The following EPG5 variants were observed in gnomAD, a reference collection of about 807,000 sequenced individuals.
EPG5 encodes the protein ectopic P granules protein 5 homolog.
EPG5 carries 159 observed loss-of-function variants against 302.7 expected under a neutral mutation model. That is an observed-to-expected ratio of 0.53 (90% confidence interval 0.46 to 0.60). EPG5 has a LOEUF of 0.60. Among genes scored for constraint, EPG5 ranks in the 20% least tolerant of loss-of-function variants. The pLI is 0.00. For synonymous variants in EPG5, 1,158 were observed against 1,136.8 expected (o/e 1.02, Z -0.37); for missense variants, 2,896 against 3,092.4 (o/e 0.94, Z 1.51).
the EPG5 span, among the ~76,000 whole-genome samples, chr18:45,809,700 AC>A: frequency 4.7e-4 from 71 of 152,312 alleles, no homozygotes; most frequent in African/African-American, 1.6e-3. Context: ...ACCTATCAAA[AC>A]CTCTGGGATA....
At chr18:45,854,397 G>T (rs1043933654) in intron 43 of EPG5, among the ~76,000 whole-genome samples, 1 of 152,228 alleles carries the variant, frequency 6.6e-6, no homozygotes, top group South Asian at 2.1e-4. Context: ...AGGTGTTCAA[G>T]CTCTGAGCAC....
At chr18:45,872,400 T>C (rs562114294) in intron 35 of EPG5, among the ~76,000 whole-genome samples, 1 of 152,236 alleles carries the variant, frequency 6.6e-6, no homozygotes, top group South Asian at 2.1e-4. Context: ...TCAACACAAA[T>C]CTTTTAAAAA....
Position 45,860,244 on chromosome 18 carries a change from C to T in EPG5, c.6869G>A (p.Gly2290Asp). The T allele has an allele frequency of 1.2e-6, 2 of 1,614,244 alleles. No homozygotes were observed. The highest frequency in any genetic ancestry group is 1.7e-6 in the Non-Finnish European group (2 of 1,180,038). ...ATIPTAEFLRGSIRTWIGQKM... is the reference protein window; with the variant it reads ...ATIPTAEFLRDSIRTWIGQKM... The stretch of plus-strand genomic sequence containing the variant: ...TTGGCCAATCCAGGTCCGGATACTG[C>T]CCCGAAGGAACTCTGCTGTTGGAAT... The change falls in exon 40 of 44, where the codon GGC (glycine) becomes GAC (aspartate). Residue 2290 changes from glycine to aspartate, a missense_variant. This residue lies in a region of EPG5 where 620 missense variants were observed against 704.2 expected (regional missense o/e 0.88). Transcript: ENST00000282041.
chr18:45,936,576 A>C (rs147631706), intron 10 of EPG5, among the ~76,000 whole-genome samples: 176 of 152,072 alleles, frequency 1.2e-3, no homozygotes, highest in African/African-American at 4.1e-3. Flanking sequence ...AAAAATATAA[A>C]AATTAGCCGG....
intron 1 of EPG5, among the ~76,000 whole-genome samples, chr18:45,962,246 G>A (rs2051165228): frequency 6.6e-6 from 1 of 152,176 alleles, no homozygotes; most frequent in African/African-American, 2.4e-5. Flanking sequence ...AACTAGAGGT[G>A]GAAATCAATC....
chr18:45,887,154 A>C (rs1035317029), intron 29 of EPG5, among the ~76,000 whole-genome samples: 6 of 152,224 alleles, frequency 3.9e-5, no homozygotes, highest in Admixed American at 1.3e-4. Flanking sequence ...AACATTTCAT[A>C]AATCTGTATG....
intron 27 of EPG5, among the ~76,000 whole-genome samples, chr18:45,898,567 G>A (rs1016355600): frequency 6.6e-5 from 10 of 152,136 alleles, no homozygotes; most frequent in Non-Finnish European, 8.8e-5. Flanking sequence ...TCACATTGTT[G>A]CATGTCTCTC....
intron 31 of EPG5, 133 bp from the exon 32 acceptor site, chr18:45,880,356 C>G: frequency 1.2e-6 from 1 of 869,498 alleles, no homozygotes; most frequent in Non-Finnish European, 1.6e-6. Context: ...ACAGGGATAT[C>G]TGGGGTGAGG....
intron 24 of EPG5, among the ~76,000 whole-genome samples, chr18:45,905,637 G>C (rs2049730881): frequency 1.3e-5 from 2 of 152,180 alleles, no homozygotes; most frequent in African/African-American, 4.8e-5. Flanking sequence ...GGTAAGCAGA[G>C]ACATCTTATA....
rs2048729316 is a variant in EPG5 at position 45,865,663 on chromosome 18, G to C, written c.6718C>G (p.Gln2240Glu). 1 of 1,613,290 alleles carries C rather than the reference G, an allele frequency of 6.2e-7. No individual in the cohort carries two copies. The highest frequency in any genetic ancestry group is 8.5e-7 in the Non-Finnish European group (1 of 1,179,916). Reference protein sequence around the residue: ...NGKITLAVLEQEMSKLLDDII... With the variant: ...NGKITLAVLEEEMSKLLDDII... ...TCGTCTAAGAGCTTAGACATTTCCT[G>C]TTCTAGGACTGCTAAGGTGATTTTT... Residue 2240 changes from glutamine (Q) to glutamate (E), a missense_variant, in exon 39 of 44, where the codon CAG (glutamine) becomes GAG (glutamate). By Grantham distance (29) the Gln-to-Glu change is conservative (BLOSUM62 2). Transcript: ENST00000282041.
chr18:45,826,275 C>T, the EPG5 span, among the ~76,000 whole-genome samples: 1 of 151,986 alleles, frequency 6.6e-6, no homozygotes, highest in Non-Finnish European at 1.5e-5. Context: ...AGCAGGAATC[C>T]CAGTGGGTGA....
At chr18:45,823,910 T>A in the EPG5 span, among the ~76,000 whole-genome samples, 1 of 152,174 alleles carries the variant, frequency 6.6e-6, no homozygotes, top group African/African-American at 2.4e-5. Flanking sequence ...GTGGTAAGAA[T>A]CACATGGCAA....
intron 35 of EPG5, among the ~76,000 whole-genome samples, chr18:45,874,573 A>G (rs2048932906): frequency 1.3e-5 from 2 of 152,168 alleles, no homozygotes; most frequent in African/African-American, 2.4e-5. Context: ...AGAGAATGAG[A>G]GCCAAGCAAT....
At position 45,879,178 on chromosome 18, in the gene EPG5, A is replaced by T. The variant is rs1457053057; in HGVS notation, c.5704T>A (p.Tyr1902Asn). 5 of 1,612,854 alleles carry T rather than the reference A, an allele frequency of 3.1e-6. No individual in the cohort carries two copies. Among genetic ancestry groups the T allele is most frequent in the African/African-American group, 1.3e-5 (1 of 74,940 alleles). ...TCCATCTTGGATAACCGAAGCTTAT[A>T]AAAAAAGTCTGAAAGCCACTGTATA... ...ETIQWLSDFF[Y>N]KLRLSKMDFK... is the part of the protein sequence containing the mutation. Residue 1902 changes from tyrosine to asparagine, a missense_variant, in exon 33 of 44, where the codon TAT (tyrosine) becomes AAT (asparagine). This residue lies in a region of EPG5 where 790 missense variants were observed against 798.0 expected (regional missense o/e 0.99). Transcript: ENST00000282041.
At chr18:45,931,670 AC>A (rs561523048) in intron 11 of EPG5, among the ~76,000 whole-genome samples, 23 of 152,220 alleles carry the variant, frequency 1.5e-4, no homozygotes, top group African/African-American at 5.3e-4. Flanking sequence ...CCTCGTCTCT[AC>A]TAAAAATACA....
chr18:45,922,884 T>A (rs1034959167), intron 15 of EPG5, among the ~76,000 whole-genome samples: 1 of 152,236 alleles, frequency 6.6e-6, no homozygotes, highest in Non-Finnish European at 1.5e-5. Context: ...AGTTTAACCA[T>A]CAGGACGGAG....
the EPG5 span, chr18:45,838,776 G>A: frequency 6.4e-6 from 10 of 1,570,228 alleles, no homozygotes; most frequent in African/African-American, 1.1e-4. Flanking sequence ...CCTTCCGCGC[G>A]CTCTGCACTG....
the EPG5 span, among the ~76,000 whole-genome samples, chr18:45,816,195 T>C: frequency 6.6e-6 from 1 of 152,158 alleles, no homozygotes; most frequent in Non-Finnish European, 1.5e-5. Context: ...TTCTAGAAGA[T>C]ACCATTGGAA....
chr18:45,825,504 G>T, the EPG5 span: 2 of 567,508 alleles, frequency 3.5e-6, no homozygotes, highest in Admixed American at 5.9e-5. Context: ...TTCCCCTCTT[G>T]GTTTTCCACA....
Sources: gnomAD v4.1 joint callset for allele counts (sites outside exome capture counted in the v4.1 genomes callset) on GRCh38, gnomAD v4.1.1 for gene constraint, gnomAD v4.1.1 regional missense constraint, MANE v1.5 for transcripts, NCBI Gene and HGNC (gene_info 2026-07-23, HGNC 2026-07-21) for gene names.